AHI1: variants seen among roughly 807,000 people sequenced by gnomAD.
AHI1 encodes the protein jouberin.
Under a neutral mutation model 149.3 loss-of-function variants are expected in AHI1, and 123 were observed. That is an observed-to-expected ratio of 0.82 (90% CI 0.71 to 0.96). The LOEUF (loss-of-function observed/expected upper bound fraction) is 0.96. AHI1 is among the 40% of genes least tolerant of loss of function. The probability of loss-of-function intolerance (pLI) is 0.00; values close to 1 mark genes in which losing one functional copy is unlikely to be tolerated. For synonymous variants in AHI1, 475 were observed against 459.8 expected (o/e 1.03, Z -0.42); for missense variants, 1,439 against 1,422.7 (o/e 1.01, Z -0.18).
intron 10 of AHI1, among the ~76,000 whole-genome samples, chr6:135,454,212 A>T (rs76504680): frequency 0.012 from 1,853 of 152,240 alleles, 46 homozygotes; most frequent in African/African-American, 0.042. Flanking sequence ...GGTCACCATT[A>T]ACATCTAGTT....
chr6:135,448,403 G>T lies in AHI1; in HGVS notation c.1513C>A (p.Pro505Thr). The change falls in exon 12 of 29, where the codon CCT becomes ACT. Residue 505 changes from proline (P) to threonine (T), a missense_variant. Coordinates refer to ENST00000265602, the MANE Select transcript of AHI1 (RefSeq NM_001134831.2). ...TCAACAACACTTAATGGGGATCGAGGCTTAGTAGGTGGGTAATATAGCTGC... is the reference window on the plus strand; with the variant it reads ...TCAACAACACTTAATGGGGATCGAGTCTTAGTAGGTGGGTAATATAGCTGC... ...RLQLYYPPTK[P>T]RSPLSVVEAF... 1 of 1,603,872 alleles carries T rather than the reference G, an allele frequency of 6.2e-7. No homozygotes were observed. The highest frequency in any genetic ancestry group is 8.5e-7 in the Non-Finnish European group (1 of 1,173,356).
intron 24 of AHI1, among the ~76,000 whole-genome samples, chr6:135,344,307 A>C (rs1398565772): frequency 1.3e-5 from 2 of 151,804 alleles, no homozygotes; most frequent in Admixed American, 1.3e-4. Context: ...TATCCAGACT[A>C]TACAAATAAC....
At chr6:135,413,671 T>C (rs903493342) in intron 20 of AHI1, among the ~76,000 whole-genome samples, 4 of 151,686 alleles carry the variant, frequency 2.6e-5, no homozygotes, top group Non-Finnish European at 5.9e-5. Flanking sequence ...TGTTGTAGGA[T>C]TGAGATCAAA....
intron 10 of AHI1, among the ~76,000 whole-genome samples, chr6:135,455,333 G>T (rs945616291): frequency 6.6e-6 from 1 of 152,122 alleles, no homozygotes; most frequent in Non-Finnish European, 1.5e-5. Context: ...ACTGATCTGT[G>T]TACATTTATC....
intron 14 of AHI1, among the ~76,000 whole-genome samples, chr6:135,440,315 C>A (rs1377184976): frequency 6.6e-6 from 1 of 152,088 alleles, no homozygotes; most frequent in Non-Finnish European, 1.5e-5. Context: ...CCCGTGGCAT[C>A]ATTTAATATC....
chr6:135,492,789 C>A, intron 3 of AHI1: 1 of 985,272 alleles, frequency 1.0e-6, no homozygotes, highest in African/African-American at 1.7e-5. Context: ...AATATTTGCA[C>A]CATCTTTCTT....
rs1793260194 is a variant in AHI1, at chr6:135,358,019, A to G, written c.3165+113T>C. On this transcript the variant is annotated intron_variant, in intron 24 of 28. Coordinates refer to ENST00000265602, the MANE Select transcript of AHI1 (RefSeq NM_001134831.2). ...TAATATGAACAAATCTTGCAGGGAT[A>G]TAACTTTTGGCAAAAAGGTTTTAAG... 3.5e-6 allele frequency: 3 copies of G among 848,022 alleles called. No individual in the cohort carries two copies. In the East Asian group the frequency reaches 7.8e-5, roughly 22 times the overall value. The allele number at this position is 848,022 out of a possible 1,614,324, so 52.5% of individuals were successfully genotyped here.
intron 28 of AHI1, among the ~76,000 whole-genome samples, chr6:135,286,220 G>A (rs1004910830): frequency 2.6e-5 from 4 of 152,226 alleles, no homozygotes; most frequent in Non-Finnish European, 4.4e-5. Flanking sequence ...TGGCTTTGAT[G>A]TAAAACAAAT....
chr6:135,415,128 A>G (rs1782178315), intron 20 of AHI1, among the ~76,000 whole-genome samples: 1 of 151,850 alleles, frequency 6.6e-6, no homozygotes, highest in Non-Finnish European at 1.5e-5. Context: ...CCATGTCCCT[A>G]CAAAGAACAT....
intron 5 of AHI1, among the ~76,000 whole-genome samples, chr6:135,479,959 A>G (rs1357370047): frequency 6.6e-6 from 1 of 152,150 alleles, no homozygotes; most frequent in Non-Finnish European, 1.5e-5. Flanking sequence ...AGCTCTGGCC[A>G]TGTGAAGACT....
intron 23 of AHI1, 37 bp from the exon 24 acceptor site, chr6:135,358,224 A>C: frequency 6.5e-7 from 1 of 1,542,994 alleles, no homozygotes; most frequent in Non-Finnish European, 8.9e-7. Flanking sequence ...TTGGTTATTA[A>C]GCCTGTCCAT....
At chr6:135,427,502 C>T (rs1784073849) in intron 19 of AHI1, among the ~76,000 whole-genome samples, 195 bp from the exon 20 acceptor site, 2 of 151,600 alleles carry the variant, frequency 1.3e-5, no homozygotes, top group African/African-American at 4.8e-5. Context: ...ATTCCACTGA[C>T]CCTCCTCCTT....
chr6:135,428,881 T>C (rs1784269698), intron 18 of AHI1, 122 bp from the exon 19 acceptor site: 1 of 828,280 alleles, frequency 1.2e-6, no homozygotes, highest in African/African-American at 1.7e-5. Context: ...GAATCTGCCA[T>C]ATGGGAGACA....
intron 24 of AHI1, among the ~76,000 whole-genome samples, chr6:135,341,236 C>T (rs74640874): frequency 6.6e-6 from 1 of 151,836 alleles, no homozygotes; most frequent in Non-Finnish European, 1.5e-5. Flanking sequence ...TTTAAGGATA[C>T]AAGACTGTTG....
At chr6:135,370,776 T>C (rs1774934746) in intron 23 of AHI1, among the ~76,000 whole-genome samples, 1 of 152,216 alleles carries the variant, frequency 6.6e-6, no homozygotes, top group African/African-American at 2.4e-5. Flanking sequence ...AAAACTCTAC[T>C]TCCAATTATT....
chr6:135,383,494 C>T (rs1777165902), intron 23 of AHI1, among the ~76,000 whole-genome samples: 1 of 151,890 alleles, frequency 6.6e-6, no homozygotes, highest in African/African-American at 2.4e-5. Flanking sequence ...GACGGGATTA[C>T]ATTGGTATGG....
rs926019453 is a variant in AHI1, at chr6:135,302,585, T to C, written c.3427-2027A>G. The C allele has an allele frequency of 8.9e-6, 10 of 1,129,788 alleles. No homozygotes were observed. The African/African-American group carries it at 1.3e-4, about 15-fold the overall frequency. The allele number at this position is 1,129,788 out of a possible 1,614,324, so 70.0% of individuals were successfully genotyped here. A position where few individuals can be genotyped will look rare whatever the true frequency, so the allele number is the denominator to read the frequency against. On this transcript the variant is annotated intron_variant, in intron 26 of 28. Transcript: ENST00000265602. ...CCTTTTTAATGATGCAGAGGCAGCT[T>C]AGCCTGTGTTCAAATTATATGAATC...
chr6:135,320,505 G>A (rs962233174), intron 25 of AHI1, among the ~76,000 whole-genome samples: 2 of 152,084 alleles, frequency 1.3e-5, no homozygotes, highest in Non-Finnish European at 2.9e-5. Flanking sequence ...TGCCCAGGCT[G>A]GTCTCAAACT....
chr6:135,403,162 T>G (rs926187120), intron 22 of AHI1, among the ~76,000 whole-genome samples: 1 of 152,104 alleles, frequency 6.6e-6, no homozygotes, highest in South Asian at 2.1e-4. Context: ...TGTGTATGTG[T>G]AGGAATTGGG....
Sources: gnomAD v4.1 joint callset for allele counts (sites outside exome capture counted in the v4.1 genomes callset) on GRCh38, gnomAD v4.1.1 for gene constraint, MANE v1.5 for transcripts, NCBI Gene and HGNC (gene_info 2026-07-23, HGNC 2026-07-21) for gene names.